Variants in PLPPR1 observed in about 807,000 individuals in gnomAD.
PLPPR1 encodes phospholipid phosphatase-related protein type 1.
In PLPPR1, 10 loss-of-function variants were observed where a neutral mutation model predicts 33.1. The observed-to-expected ratio is 0.30, with a 90% CI of 0.19 to 0.51. The LOEUF is 0.51. Ranked by LOEUF, PLPPR1 falls within the 20% of genes least tolerant of loss-of-function variation. The pLI is 0.97. For synonymous variants in PLPPR1, 151 were observed against 151.0 expected, an observed-to-expected ratio of 1.00 and a Z score of 0.00; for missense variants, 304 against 408.1, an observed-to-expected ratio of 0.74 and a Z score of 2.20.
chr9:101,166,606 A>G (rs1254402689), intron 1 of PLPPR1, among the ~76,000 whole-genome samples: 3 of 152,188 alleles, frequency 2.0e-5, no homozygotes, highest in East Asian at 3.8e-4. Context: ...TTGCAGTATT[A>G]AAAAGAATGG....
intron 1 of PLPPR1, among the ~76,000 whole-genome samples, chr9:101,049,053 C>G (rs1266540305): frequency 6.6e-6 from 1 of 152,182 alleles, no homozygotes; most frequent in East Asian, 1.9e-4. Flanking sequence ...GCTATCAGAT[C>G]AGTAAACAAT....
chr9:101,033,119 C>A (rs1203470450), intron 1 of PLPPR1, among the ~76,000 whole-genome samples: 1 of 152,184 alleles, frequency 6.6e-6, no homozygotes, highest in South Asian at 2.1e-4. Flanking sequence ...ATCAACACTG[C>A]AGACCCAGGA....
chr9:101,160,908 C>T (rs958753772), intron 1 of PLPPR1, among the ~76,000 whole-genome samples: 37 of 152,026 alleles, frequency 2.4e-4, no homozygotes, highest in African/African-American at 8.2e-4. Flanking sequence ...TGTCTATAGC[C>T]GGATGGTTGA....
intron 5 of PLPPR1, among the ~76,000 whole-genome samples, chr9:101,310,648 T>C (rs1346805852): frequency 1.3e-5 from 2 of 152,252 alleles, no homozygotes; most frequent in African/African-American, 4.8e-5. Flanking sequence ...AATGATTCTT[T>C]AATTTGTCAC....
intron 2 of PLPPR1, among the ~76,000 whole-genome samples, chr9:101,235,747 T>G (rs1401110186): frequency 1.3e-5 from 2 of 151,824 alleles, no homozygotes; most frequent in Non-Finnish European, 1.5e-5. Flanking sequence ...AACATAAACC[T>G]CTCACTTACA....
At chr9:101,224,553 C>T (rs1243702069) in intron 2 of PLPPR1, among the ~76,000 whole-genome samples, 2 of 152,114 alleles carry the variant, frequency 1.3e-5, no homozygotes, top group Non-Finnish European at 2.9e-5. Flanking sequence ...TCTGAGTGCC[C>T]TGAGGCCTAG....
intron 2 of PLPPR1, among the ~76,000 whole-genome samples, chr9:101,237,669 CAT>C (rs1827332464): frequency 7.6e-6 from 1 of 131,674 alleles, no homozygotes; most frequent in Non-Finnish European, 1.6e-5. Flanking sequence ...AAAATTCCAT[CAT>C]ATATATACAT....
intron 4 of PLPPR1, among the ~76,000 whole-genome samples, chr9:101,288,709 T>G (rs1207858074): frequency 6.6e-6 from 1 of 152,140 alleles, no homozygotes; most frequent in Non-Finnish European, 1.5e-5. Flanking sequence ...TAAACCTCAT[T>G]CTATACCTGC....
intron 2 of PLPPR1, among the ~76,000 whole-genome samples, chr9:101,203,594 T>G (rs1826530338): frequency 6.6e-6 from 1 of 152,024 alleles, no homozygotes; most frequent in Non-Finnish European, 1.5e-5. Context: ...CTTATAAAAT[T>G]TATGTGGATC....
intron 2 of PLPPR1, among the ~76,000 whole-genome samples, chr9:101,230,492 C>G (rs2118816312): frequency 1.3e-5 from 2 of 152,214 alleles, no homozygotes; most frequent in Middle Eastern, 6.8e-3. Flanking sequence ...CAGCATCTTC[C>G]TTTCTCCTTC....
intron 2 of PLPPR1, among the ~76,000 whole-genome samples, chr9:101,242,931 T>C (rs1827505804): frequency 1.3e-5 from 2 of 152,192 alleles, no homozygotes; most frequent in Admixed American, 6.5e-5. Flanking sequence ...AATAAGGCTC[T>C]AAGTGAACAC....
intron 1 of PLPPR1, among the ~76,000 whole-genome samples, chr9:101,066,355 A>C (rs950539810): frequency 2.0e-5 from 3 of 151,772 alleles, no homozygotes; most frequent in African/African-American, 7.3e-5. Flanking sequence ...AGATTTCTCC[A>C]CTGTAGCAAA....
chr9:101,164,365 C>CTTTTT (rs66835142), intron 1 of PLPPR1, among the ~76,000 whole-genome samples: 7 of 133,522 alleles, frequency 5.2e-5, no homozygotes, highest in African/African-American at 6.1e-5. Context: ...CTTTTCTTTT[C>CTTTTT]TTTTTTTTTT....
intron 4 of PLPPR1, 50 bp downstream of exon 4, chr9:101,286,286 C>A (rs772340046): frequency 2.0e-6 from 3 of 1,525,344 alleles, no homozygotes; most frequent in East Asian, 4.6e-5. Context: ...AGTAAAATTA[C>A]TAAAGGCAAA....
intron 7 of PLPPR1, among the ~76,000 whole-genome samples, chr9:101,319,228 G>A (rs1201512172): frequency 6.6e-6 from 1 of 152,174 alleles, no homozygotes; most frequent in Admixed American, 6.5e-5. Flanking sequence ...CCAGGCTGGA[G>A]TGCAGTGGCA....
intron 1 of PLPPR1, among the ~76,000 whole-genome samples, chr9:101,071,890 A>G (rs1345131859): frequency 6.6e-6 from 1 of 152,172 alleles, no homozygotes; most frequent in Non-Finnish European, 1.5e-5. Context: ...GAAATCGTAG[A>G]AAGCCAGGTG....
chr9:101,097,156 C>CT (rs1004173862), intron 1 of PLPPR1, among the ~76,000 whole-genome samples: 30 of 152,192 alleles, frequency 2.0e-4, no homozygotes, highest in African/African-American at 7.0e-4. Context: ...ATCTGCACAA[C>CT]TTGCACAGAT....
At chr9:101,182,684 A>T (rs919501572) in intron 1 of PLPPR1, among the ~76,000 whole-genome samples, 49 of 151,716 alleles carry the variant, frequency 3.2e-4, no homozygotes, top group African/African-American at 1.1e-3. Context: ...TCAATCAATG[A>T]AAAAGATGGA....
At chr9:101,121,282 C>T (rs977517567) in intron 1 of PLPPR1, among the ~76,000 whole-genome samples, 2 of 152,144 alleles carry the variant, frequency 1.3e-5, no homozygotes, top group Non-Finnish European at 2.9e-5. Context: ...TTGTGCTAAG[C>T]ACTTTACATC....
Sources: gnomAD v4.1 joint callset for allele counts (sites outside exome capture counted in the v4.1 genomes callset) on GRCh38, gnomAD v4.1.1 for gene constraint, MANE v1.5 for transcripts, NCBI Gene and HGNC (gene_info 2026-07-23, HGNC 2026-07-21) for gene names.